KLF12: variants seen among roughly 807,000 people sequenced by gnomAD.
The protein encoded by KLF12 is Krueppel-like factor 12.
KLF12 carries 9 observed loss-of-function variants against 37.8 expected under a neutral mutation model. The observed-to-expected ratio is 0.24, with a 90% CI of 0.14 to 0.42. The LOEUF is 0.42. Ranked by LOEUF, KLF12 falls within the 10% of genes least tolerant of loss-of-function variation. KLF12 has a pLI of 1.00. For synonymous variants in KLF12, 208 were observed against 202.1 expected (o/e 1.03, Z -0.25); for missense variants, 411 against 516.0 (o/e 0.80, Z 1.97).
chr13:73,773,073 AAAG>A (rs1351067500), intron 5 of KLF12, among the ~76,000 whole-genome samples: 1 of 152,208 alleles, frequency 6.6e-6, no homozygotes, highest in Non-Finnish European at 1.5e-5. Context: ...CTGGATTAAA[AAAG>A]AATACAAGTT....
rs955727126 is a variant in KLF12, at chr13:73,690,252, A to T, written c.*5238T>A. On this transcript the variant is annotated 3_prime_UTR_variant, in exon 8 of 8. Transcript: ENST00000377669. ...TTACTGACAGGCACTTTCAGCATTTAATTTATTTCTGAAAATGGGCATTAG... is the reference window on the plus strand; with the variant it reads ...TTACTGACAGGCACTTTCAGCATTTTATTTATTTCTGAAAATGGGCATTAG... The T allele has an allele frequency of 6.6e-6, 1 of 152,584 alleles. No individual in the cohort carries two copies. The highest frequency in any genetic ancestry group is 1.5e-5 in the Non-Finnish European group (1 of 68,006). 9.5% of individuals were successfully genotyped at this position (152,584 alleles called of 1,614,324 possible).
chr13:73,711,799 G>A (rs535775526), intron 7 of KLF12, among the ~76,000 whole-genome samples: 31 of 152,238 alleles, frequency 2.0e-4, no homozygotes, highest in African/African-American at 6.5e-4. Flanking sequence ...AATACATTTC[G>A]TAAGACTATA....
intron 4 of KLF12, among the ~76,000 whole-genome samples, chr13:73,828,882 T>C (rs1021588034): frequency 6.9e-6 from 1 of 144,460 alleles, no homozygotes; most frequent in Non-Finnish European, 1.5e-5. Flanking sequence ...GTATGCCCTT[T>C]TGTATTTCCA....
chr13:73,968,271 T>C (rs999194205), intron 2 of KLF12, among the ~76,000 whole-genome samples: 1 of 152,208 alleles, frequency 6.6e-6, no homozygotes, highest in Non-Finnish European at 1.5e-5. Flanking sequence ...TAACATAAAA[T>C]AGAAATATAA....
At chr13:74,006,656 T>C (rs1224918558) in intron 1 of KLF12, among the ~76,000 whole-genome samples, 1 of 152,178 alleles carries the variant, frequency 6.6e-6, no homozygotes, top group Non-Finnish European at 1.5e-5. Flanking sequence ...GTCACTATTT[T>C]TCCCTCAATG....
chr13:73,804,951 A>G (rs1409217813), intron 5 of KLF12, among the ~76,000 whole-genome samples: 1 of 152,234 alleles, frequency 6.6e-6, no homozygotes, highest in Non-Finnish European at 1.5e-5. Context: ...TTAACACTGA[A>G]ATTAGAAACC....
intron 6 of KLF12, among the ~76,000 whole-genome samples, chr13:73,728,822 G>A (rs1156618823): frequency 6.6e-6 from 1 of 152,104 alleles, no homozygotes; most frequent in East Asian, 1.9e-4. Flanking sequence ...TTTGTTGAAG[G>A]CTTTTGAGTC....
intron 6 of KLF12, among the ~76,000 whole-genome samples, chr13:73,738,112 T>TATATACACACACATATATGTATGTGTAC (rs1877632385): frequency 2.7e-5 from 2 of 74,754 alleles, no homozygotes; most frequent in Non-Finnish European, 5.4e-5. Flanking sequence ...TATATATATA[T>TATATACACACACATATATGTATGTGTAC]ATATATATAT....
chr13:74,169,377 C>T, the KLF12 span, among the ~76,000 whole-genome samples: 1 of 152,072 alleles, frequency 6.6e-6, no homozygotes, highest in Admixed American at 6.6e-5. Flanking sequence ...TATTTTATTC[C>T]TGTTTTATAG....
chr13:74,240,961 A>G, the KLF12 span, among the ~76,000 whole-genome samples: 1 of 151,246 alleles, frequency 6.6e-6, no homozygotes, highest in Non-Finnish European at 1.5e-5. Context: ...GTCATTCTCC[A>G]TCCAGCTTTG....
chr13:74,275,856 TTCTTTCTTTCTA>T, the KLF12 span, among the ~76,000 whole-genome samples: 20 of 97,392 alleles, frequency 2.1e-4, no homozygotes, highest in South Asian at 1.4e-3. Flanking sequence ...CTTTCTTTCT[TTCTTTCTTTCTA>T]TCTTTCTTTC....
intron 4 of KLF12, among the ~76,000 whole-genome samples, chr13:73,818,492 G>T (rs763728237): frequency 6.6e-6 from 1 of 152,216 alleles, no homozygotes; most frequent in East Asian, 1.9e-4. Context: ...AGATGCAGGG[G>T]ACACTAATTC....
At chr13:73,928,542 T>C (rs569288590) in intron 3 of KLF12, among the ~76,000 whole-genome samples, 2 of 152,342 alleles carry the variant, frequency 1.3e-5, no homozygotes, top group South Asian at 4.1e-4. Context: ...GAAGTACATT[T>C]CCAACACTAA....
intron 5 of KLF12, among the ~76,000 whole-genome samples, chr13:73,785,285 T>C (rs1445029281): frequency 1.3e-5 from 2 of 152,018 alleles, no homozygotes; most frequent in African/African-American, 4.8e-5. Context: ...TGCTAATTTT[T>C]GTATTTTTTG....
chr13:73,951,571 C>T (rs755261370), intron 2 of KLF12, among the ~76,000 whole-genome samples: 5 of 152,136 alleles, frequency 3.3e-5, no homozygotes, highest in Admixed American at 6.6e-5. Flanking sequence ...GGGTTTCAGG[C>T]TCCTGATATA....
chr13:73,945,490 G>A (rs1890382648), intron 2 of KLF12, among the ~76,000 whole-genome samples: 1 of 151,932 alleles, frequency 6.6e-6, no homozygotes, highest in South Asian at 2.1e-4. Context: ...AAATAAAAAC[G>A]ACTCTCCTTT....
At chr13:74,181,124 G>A in the KLF12 span, among the ~76,000 whole-genome samples, 33 of 151,790 alleles carry the variant, frequency 2.2e-4, no homozygotes, top group Non-Finnish European at 4.1e-4. Flanking sequence ...TCAGCCTCCC[G>A]AGTAGCTGGG....
chr13:73,772,556 C>T (rs1251488646), intron 5 of KLF12, among the ~76,000 whole-genome samples: 1 of 152,102 alleles, frequency 6.6e-6, no homozygotes, highest in Admixed American at 6.5e-5. Context: ...TGAAAAAGCA[C>T]CAAAGGGTAG....
chr13:73,997,612 A>C (rs1307152848), intron 1 of KLF12, among the ~76,000 whole-genome samples: 1 of 152,200 alleles, frequency 6.6e-6, no homozygotes, highest in Non-Finnish European at 1.5e-5. Flanking sequence ...CACATTTCCA[A>C]TAACAGTTAA....
Sources: allele counts gnomAD v4.1 joint callset (sites outside exome capture counted in the v4.1 genomes callset), GRCh38; gene constraint gnomAD v4.1.1; transcripts MANE v1.5; gene names NCBI Gene and HGNC (gene_info 2026-07-23, HGNC 2026-07-21).